The following DDX5 variants were observed in gnomAD, a reference collection of about 807,000 sequenced individuals.
DDX5 encodes probable ATP-dependent RNA helicase DDX5.
In DDX5, 6 loss-of-function variants were observed where a neutral mutation model predicts 68.6. The observed-to-expected ratio is 0.09, with a 90% CI of 0.05 to 0.17. The LOEUF (loss-of-function observed/expected upper bound fraction) is 0.17. DDX5 is among the 10% of genes least tolerant of loss of function. DDX5 has a pLI of 1.00. For missense variants in DDX5, 499 were observed against 756.1 expected, an observed-to-expected ratio of 0.66 and a Z score of 3.99; for synonymous variants, 350 against 247.0, an observed-to-expected ratio of 1.42 and a Z score of -3.91.
chr17:64,500,880 G>T, intron 11 of DDX5, 107 bp from the exon 12 acceptor site: 1 of 781,040 alleles, frequency 1.3e-6, no homozygotes. Flanking sequence ...AAGAAGGTAC[G>T]GGCTGCAAAA....
chr17:64,499,922 C>A lies in DDX5; in HGVS notation c.*1G>T. 1.9e-6 allele frequency: 3 copies of A among 1,586,150 alleles called. No individual in the cohort carries two copies. The highest frequency in any genetic ancestry group is 2.6e-6 in the Non-Finnish European group (3 of 1,165,010). On this transcript the variant is annotated 3_prime_UTR_variant, in exon 13 of 13. Coordinates refer to ENST00000225792, the MANE Select transcript of DDX5 (RefSeq NM_004396.5). The stretch of plus-strand genomic sequence containing the variant: ...AGACATTTACATATACTTCTAAAGT[C>A]TTATTGGGAATATCCTGTTGGCATT...
At position 64,502,805 on chromosome 17, in the gene DDX5, T is replaced by C. The variant is rs538581379; in HGVS notation, c.983+121A>G. 6.9e-6 allele frequency: 7 copies of C among 1,020,550 alleles called. No individual in the cohort carries two copies. The East Asian group carries it at 7.7e-5, about 11-fold the overall frequency. 63.2% of individuals were successfully genotyped at this position (1,020,550 alleles called of 1,614,324 possible). On this transcript the variant is annotated intron_variant, in intron 8 of 12. Coordinates refer to ENST00000225792, the MANE Select transcript of DDX5 (RefSeq NM_004396.5). The stretch of plus-strand genomic sequence containing the variant: ...GGATTCAAGAAATTTTCAGGATTAG[T>C]AGGCTAACTAAATGAAATCACACCA...
chr17:64,502,050 A>G lies in DDX5; in HGVS notation c.1176T>C (p.Ala392=). The change falls in exon 11 of 13, where the codon GCT becomes GCC. Residue 392 remains alanine, a synonymous_variant. Transcript: ENST00000225792. ...WVLNEFKHGK[A]PILIATDVAS... is the part of the protein sequence containing the mutation. The stretch of plus-strand genomic sequence containing the variant: ...CCACATCTGTAGCAATCAGAATAGG[A>G]GCTTTTCCATGTTTGAATTCTACAA... The G allele has an allele frequency of 6.2e-7, 1 of 1,614,170 alleles. No individual in the cohort carries two copies. The highest frequency in any genetic ancestry group is 8.5e-7 in the Non-Finnish European group (1 of 1,180,018).
Position 64,504,823 on chromosome 17 carries a change from C to G in DDX5, c.64G>C (p.Gly22Arg), listed in dbSNP as rs782492917. ...RDRGFGAPRF[G>R]GSRAGPLSGK... ...GATAAGGGCCCTGCCCTACTTCCTC[C>G]AAATCGAGGTGCACCAAACCTGGAA... The change falls in exon 2 of 13, where the codon GGA (glycine) becomes CGA (arginine). Residue 22 changes from glycine to arginine, a missense_variant. By Grantham distance (125) the Gly-to-Arg change is moderately radical. Around this residue, in one of 5 missense-constraint regions of DDX5, gnomAD observed 140 missense variants for 135.7 expected, o/e 1.03. Transcript: ENST00000225792. 2.5e-6 allele frequency: 4 copies of G among 1,603,456 alleles called. No individual in the cohort carries two copies. Among genetic ancestry groups the G allele is most frequent in the Non-Finnish European group, 3.4e-6 (4 of 1,177,276 alleles).
rs1276030172 is a variant in DDX5 at position 64,499,362 on chromosome 17, G to A, written c.*561C>T. Among the ~76,000 whole-genome samples, 4 of 152,024 alleles carry A rather than the reference G, an allele frequency of 2.6e-5. No individual in the cohort carries two copies. The East Asian group carries it at 5.8e-4, about 22-fold the overall frequency. On this transcript the variant is annotated 3_prime_UTR_variant, in exon 13 of 13. Coordinates refer to ENST00000225792, the MANE Select transcript of DDX5 (RefSeq NM_004396.5). ...GCTATTAAATGACTCCCCTGATGCT[G>A]GAAGCTGACAAAGCTTTTATGCAAT...
In DDX5 at chr17:64,503,575, A is replaced by C. The variant is rs1555671491; in HGVS notation, c.508-4T>G. The C allele has an allele frequency of 6.2e-7, 1 of 1,613,232 alleles. No individual in the cohort carries two copies. The highest frequency in any genetic ancestry group is 2.2e-5 in the East Asian group (1 of 44,880). On this transcript the variant is annotated splice_polypyrimidine_tract_variant and splice_region_variant and intron_variant, in intron 5 of 12. Coordinates refer to ENST00000225792, the MANE Select transcript of DDX5 (RefSeq NM_004396.5). ...GAGTTGGTGCCAGCACCAAACACTA[A>C]GGAAAGAGAAACAGCTTTCAGCACA...
chr17:64,505,999 C>T (rs565385533), intron 1 of DDX5, 77 bp downstream of exon 1: 11 of 1,542,430 alleles, frequency 7.1e-6, no homozygotes, highest in East Asian at 2.4e-5. Flanking sequence ...AGCCGCAAAG[C>T]CCCCGCCGGC....
At chr17:64,504,978 G>T in intron 1 of DDX5, 136 bp from the exon 2 acceptor site, 1 of 703,460 alleles carries the variant, frequency 1.4e-6, no homozygotes, top group Non-Finnish European at 2.1e-6. Flanking sequence ...TGTCCTTCGT[G>T]AAAATCTCTC....
At chr17:64,503,750 G>C (rs1295109190) in intron 5 of DDX5, 53 bp downstream of exon 5, 2 of 1,571,586 alleles carry the variant, frequency 1.3e-6, no homozygotes, top group African/African-American at 1.4e-5. Context: ...TAGCTATGTA[G>C]TCTAAAATCT....
chr17:64,506,524 T>C (rs1219213169), upstream of DDX5: 2 of 659,932 alleles, frequency 3.0e-6, no homozygotes, highest in Non-Finnish European at 4.5e-6. Context: ...CTTCTTCTGG[T>C]CTTTCCACAC....
At position 64,500,338 on chromosome 17, in the gene DDX5, A is replaced by T. The variant is rs781920143; in HGVS notation, c.1442-12T>A. The T allele has an allele frequency of 3.1e-6, 5 of 1,592,858 alleles. No homozygotes were observed. The highest frequency in any genetic ancestry group is 4.3e-6 in the Non-Finnish European group (5 of 1,168,862). On this transcript the variant is annotated splice_polypyrimidine_tract_variant and intron_variant, in intron 12 of 12. Coordinates refer to ENST00000225792, the MANE Select transcript of DDX5 (RefSeq NM_004396.5). ...ACCCCTGGAACGACCTGTCAAGAAA[A>T]CAATTGCAAATTGATCAATTATGTC...
chr17:64,502,765 C>T (rs1298303921), intron 8 of DDX5, 161 bp downstream of exon 8: 16 of 781,556 alleles, frequency 2.0e-5, no homozygotes, highest in East Asian at 2.7e-5. Context: ...TAAATGGTGA[C>T]AGCCATTATT....
In DDX5 at chr17:64,504,854, A is replaced by G. The variant is rs373943973; in HGVS notation, c.45-12T>C. On this transcript the variant is annotated splice_polypyrimidine_tract_variant and intron_variant, in intron 1 of 12. Coordinates refer to ENST00000225792, the MANE Select transcript of DDX5 (RefSeq NM_004396.5). ...GAGGTGCACCAAACCTGGAATGAAA[A>G]AAAACGTTATTCACATTTTCAAATG... 3.1e-6 allele frequency: 5 copies of G among 1,589,036 alleles called. No individual in the cohort carries two copies. In the African/African-American group the frequency reaches 6.9e-5, roughly 22 times the overall value.
rs1373442032 is a variant in DDX5 at position 64,501,912 on chromosome 17, A to G, written c.1216+98T>C. The G allele has an allele frequency of 9.3e-6, 12 of 1,296,534 alleles. No homozygotes were observed. The African/African-American group carries it at 1.2e-4, about 13-fold the overall frequency. The allele number at this position is 1,296,534 out of a possible 1,614,324, so 80.3% of individuals were successfully genotyped here. A position where few individuals can be genotyped will look rare whatever the true frequency, so the allele number is the denominator to read the frequency against. On this transcript the variant is annotated intron_variant, in intron 11 of 12. Transcript: ENST00000225792. Reference sequence around the variant, plus strand: ...AGCACCTTTATGTGAAAAAAAACTTAGAAAAAATGCAGGTTAAAGAAAGCA... The same window carrying G: ...AGCACCTTTATGTGAAAAAAAACTTGGAAAAAATGCAGGTTAAAGAAAGCA...
At chr17:64,502,293 TTG>T (rs1365054292) in intron 9 of DDX5, 70 bp from the exon 10 acceptor site, 1 of 1,542,468 alleles carries the variant, frequency 6.5e-7, no homozygotes, top group African/African-American at 1.4e-5. Flanking sequence ...TTGACCACTT[TTG>T]GTCACAGATC....
At position 64,503,331 on chromosome 17, in the gene DDX5, C is replaced by T. The variant is rs782464208; in HGVS notation, c.667G>A (p.Ala223Thr). 1.2e-6 allele frequency: 2 copies of T among 1,614,176 alleles called. No individual in the cohort carries two copies. Among genetic ancestry groups the T allele is most frequent in the Non-Finnish European group, 1.7e-6 (2 of 1,180,026 alleles). ...AAGTCAATCAGTCTTCCAGGTGTTGCAATACAGATTTCCACACCTTTAATT... is the reference window on the plus strand; with the variant it reads ...AAGTCAATCAGTCTTCCAGGTGTTGTAATACAGATTTCCACACCTTTAATT... ...DLERGVEICI[A>T]TPGRLIDFLE... is the part of the protein sequence containing the mutation. Residue 223 changes from alanine to threonine, a missense_variant, in exon 7 of 13, where the codon GCA becomes ACA. This residue lies in a region of DDX5 where 141 missense variants were observed against 279.8 expected (regional missense o/e 0.50). Transcript: ENST00000225792.
At chr17:64,506,514 C>T (rs2038534182), upstream of DDX5, 1 of 757,714 alleles carries the variant, frequency 1.3e-6, no homozygotes, top group Non-Finnish European at 1.9e-6. Flanking sequence ...TTGACCTCAC[C>T]TTCTTCTGGT....
At chr17:64,506,815 G>A (rs2038556039), upstream of DDX5, 6 of 578,068 alleles carry the variant, frequency 1.0e-5, no homozygotes, top group South Asian at 1.2e-4. Context: ...TGGACCGTCC[G>A]ACCCGCGTGT....
Position 64,499,093 on chromosome 17 carries a change from G to A in DDX5, c.*830C>T, listed in dbSNP as rs142972276. Among the ~76,000 whole-genome samples, 12 of 152,310 alleles carry A rather than the reference G, an allele frequency of 7.9e-5. No homozygotes were observed. The highest frequency in any genetic ancestry group is 1.3e-4 in the Admixed American group (2 of 15,292). On this transcript the variant is annotated 3_prime_UTR_variant, in exon 13 of 13. Transcript: ENST00000225792. The stretch of plus-strand genomic sequence containing the variant: ...ACTAAGAACGAAATTCAGTAAAGGA[G>A]ACTCAAGCTTAGCTCCTGGCCATCT...
Sources: gnomAD v4.1 joint callset for allele counts (sites outside exome capture counted in the v4.1 genomes callset) on GRCh38, gnomAD v4.1.1 for gene constraint, gnomAD v4.1.1 regional missense constraint, MANE v1.5 for transcripts, NCBI Gene and HGNC (gene_info 2026-07-23, HGNC 2026-07-21) for gene names.